A1CF: variants seen among roughly 807,000 people sequenced by gnomAD.
A1CF encodes the protein APOBEC1 complementation factor.
A neutral mutation model predicts 68.9 loss-of-function variants in A1CF; 48 were observed. The observed-to-expected ratio is 0.70, with a 90% confidence interval of 0.55 to 0.89. A1CF has a LOEUF of 0.89. A1CF is among the 40% of genes least tolerant of loss of function. A1CF has a pLI of 0.00. For missense variants in A1CF, 653 were observed against 718.9 expected, an observed-to-expected ratio of 0.91 and a Z score of 1.05; for synonymous variants, 272 against 260.4, an observed-to-expected ratio of 1.04 and a Z score of -0.43.
At chr10:50,867,440 G>A (rs1227986634) in intron 1 of A1CF, among the ~76,000 whole-genome samples, 1 of 152,146 alleles carries the variant, frequency 6.6e-6, no homozygotes, top group East Asian at 1.9e-4. Context: ...GTCAGACACA[G>A]AAAAACAAAT....
chr10:50,816,502 A>G, intron 8 of A1CF: 1 of 544,346 alleles, frequency 1.8e-6, no homozygotes, highest in Non-Finnish European at 3.3e-6. Context: ...ACAGTGACAT[A>G]TTGGCCAGTG....
intron 6 of A1CF, among the ~76,000 whole-genome samples, chr10:50,832,817 T>C (rs959590116): frequency 6.6e-6 from 1 of 152,168 alleles, no homozygotes; most frequent in Admixed American, 6.5e-5. Flanking sequence ...TTTGTGTATG[T>C]ATAGTTTTCT....
At chr10:50,878,536 C>G (rs1253831174) in intron 1 of A1CF, among the ~76,000 whole-genome samples, 1 of 152,182 alleles carries the variant, frequency 6.6e-6, no homozygotes, top group Non-Finnish European at 1.5e-5. Context: ...CCAGAGCCTT[C>G]TGCTTTAACA....
chr10:50,851,878 A>G (rs1564521832), intron 3 of A1CF, among the ~76,000 whole-genome samples: 1 of 152,200 alleles, frequency 6.6e-6, no homozygotes, highest in African/African-American at 2.4e-5. Flanking sequence ...TCCTATACAA[A>G]TTCATGATTG....
chr10:50,849,230 T>C (rs957976773), intron 3 of A1CF, among the ~76,000 whole-genome samples: 2 of 152,208 alleles, frequency 1.3e-5, no homozygotes, highest in African/African-American at 2.4e-5. Context: ...CTAAATTGTA[T>C]ATAAAATAAT....
At chr10:50,859,581 C>T (rs1195394035) in intron 3 of A1CF, among the ~76,000 whole-genome samples, 18 of 152,168 alleles carry the variant, frequency 1.2e-4, no homozygotes, top group Admixed American at 1.3e-4. Context: ...ATTCTAGCTG[C>T]CTTTTTGGGA....
intron 1 of A1CF, among the ~76,000 whole-genome samples, chr10:50,871,715 T>C (rs1210699001): frequency 6.6e-6 from 1 of 151,986 alleles, no homozygotes; most frequent in Non-Finnish European, 1.5e-5. Flanking sequence ...AGGGGGATCA[T>C]AAACAATTTG....
chr10:50,833,794 C>T (rs879777260), intron 6 of A1CF, among the ~76,000 whole-genome samples: 10 of 152,138 alleles, frequency 6.6e-5, no homozygotes, highest in Non-Finnish European at 1.2e-4. Flanking sequence ...TTTGCTCTGG[C>T]TGGCTTACTC....
At position 50,804,295 on chromosome 10, in the gene A1CF, T is replaced by C. The variant is rs1368913426; in HGVS notation, c.*2434A>G. The C allele has an allele frequency of 1.3e-5, 2 of 149,994 alleles. No homozygotes were observed. The highest frequency in any genetic ancestry group is 3.0e-5 in the Non-Finnish European group (2 of 67,056). The allele number at this position is 149,994 out of a possible 1,614,324, so 9.3% of individuals were successfully genotyped here. ...TCTTAATATTGTAAACAAACAATTA[T>C]GACTTTATCCAGAATAATGATTTTT... is the stretch of plus-strand genomic sequence containing the variant. On this transcript the variant is annotated 3_prime_UTR_variant, in exon 13 of 13. Coordinates refer to ENST00000373997, the MANE Select transcript of A1CF (RefSeq NM_014576.4).
rs1837742806 is a variant in A1CF, at chr10:50,804,698, A to G, written c.*2031T>C. The stretch of plus-strand genomic sequence containing the variant: ...TAAATTCATACTATTTATGGGATAA[A>G]TATGATTTGGCTATTTGTCTTAACT... On this transcript the variant is annotated 3_prime_UTR_variant, in exon 13 of 13. Coordinates refer to ENST00000373997, the MANE Select transcript of A1CF (RefSeq NM_014576.4). 6.6e-6 allele frequency: 1 copy of G among 152,220 alleles called. No homozygotes were observed. Among genetic ancestry groups the G allele is most frequent in the East Asian group, 1.9e-4 (1 of 5,200 alleles). 9.4% of individuals were successfully genotyped at this position (152,220 alleles called of 1,614,324 possible).
At chr10:50,815,220 A>G (rs538295813) in intron 9 of A1CF, among the ~76,000 whole-genome samples, 106 of 152,328 alleles carry the variant, frequency 7.0e-4, no homozygotes, top group Non-Finnish European at 1.3e-3. Flanking sequence ...CATCTGAAGG[A>G]GCCAAAAAGA....
chr10:50,882,888 A>G (rs1156262198), intron 1 of A1CF, among the ~76,000 whole-genome samples: 1 of 152,240 alleles, frequency 6.6e-6, no homozygotes, highest in East Asian at 1.9e-4. Context: ...GATTTTTAAC[A>G]TCAACTGCCT....
chr10:50,810,067 G>C (rs1389284083), intron 11 of A1CF, 25 bp from the exon 12 acceptor site: 2 of 1,613,190 alleles, frequency 1.2e-6, no homozygotes, highest in East Asian at 4.5e-5. Context: ...AGTCAGGGTA[G>C]GCATTTTTAA....
At chr10:50,828,626 T>C (rs1187811297) in intron 6 of A1CF, among the ~76,000 whole-genome samples, 1 of 152,078 alleles carries the variant, frequency 6.6e-6, no homozygotes, top group South Asian at 2.1e-4. Flanking sequence ...TAAGGTAAGA[T>C]AGCACAAGGG....
rs901436511 is a variant in A1CF at position 50,799,967 on chromosome 10, T to C, written c.*6762A>G. ...GAATTGATTTAAATAGATTTATCTG[T>C]AGTCTGTGTGCCCAAAGATATCTTA... On this transcript the variant is annotated 3_prime_UTR_variant, in exon 13 of 13. Transcript: ENST00000373997. The C allele has an allele frequency of 1.3e-5, 2 of 152,260 alleles. No individual in the cohort carries two copies. Among genetic ancestry groups the C allele is most frequent in the South Asian group, 4.1e-4 (2 of 4,834 alleles). 9.4% of individuals were successfully genotyped at this position (152,260 alleles called of 1,614,324 possible).
chr10:50,844,616 G>A (rs1272217052), intron 3 of A1CF, among the ~76,000 whole-genome samples: 2 of 152,114 alleles, frequency 1.3e-5, no homozygotes, highest in Non-Finnish European at 2.9e-5. Context: ...GACTGAGGCA[G>A]AAGGATCCCT....
chr10:50,826,982 C>A (rs1342044163), intron 7 of A1CF, among the ~76,000 whole-genome samples: 1 of 152,096 alleles, frequency 6.6e-6, no homozygotes, highest in Non-Finnish European at 1.5e-5. Context: ...GGGTTGCAAT[C>A]CTAGTCTCTG....
At chr10:50,813,718 T>G in intron 10 of A1CF, 139 bp downstream of exon 10, 9 of 800,622 alleles carry the variant, frequency 1.1e-5, no homozygotes, top group Non-Finnish European at 1.8e-5. Flanking sequence ...TCAAAGACTG[T>G]GACATTCATT....
rs868046736 is a variant in A1CF at position 50,810,031 on chromosome 10, G to A, written c.1472C>T (p.Thr491Ile). The change falls in exon 12 of 13, where the codon ACA (threonine) becomes ATA (isoleucine). Residue 491 changes from threonine to isoleucine, a missense_variant. Coordinates refer to ENST00000373997, the MANE Select transcript of A1CF (RefSeq NM_014576.4). Reference sequence around the variant, plus strand: ...CACAAAGGCACTCAGCTTTGGAGGTGTGAAAGGGTGGCTGGAAAGCAAGTC... The same window carrying A: ...CACAAAGGCACTCAGCTTTGGAGGTATGAAAGGGTGGCTGGAAAGCAAGTC... ...ASQNPAIHPF[T>I]PPKLSAFVDE... is the part of the protein sequence containing the mutation. 5 of 1,613,870 alleles carry A rather than the reference G, an allele frequency of 3.1e-6. No individual in the cohort carries two copies. Among genetic ancestry groups the A allele is most frequent in the Middle Eastern group, 1.7e-4 (1 of 6,054 alleles).
Sources: gnomAD v4.1 joint callset for allele counts (sites outside exome capture counted in the v4.1 genomes callset) on GRCh38, gnomAD v4.1.1 for gene constraint, MANE v1.5 for transcripts, NCBI Gene and HGNC (gene_info 2026-07-23, HGNC 2026-07-21) for gene names.